IL20RB: variants seen among roughly 807,000 people sequenced by gnomAD.
IL20RB encodes the protein interleukin 20 receptor subunit beta.
A neutral mutation model predicts 33.3 loss-of-function variants in IL20RB; 21 were observed. The observed-to-expected ratio is 0.63, with a 90% CI of 0.45 to 0.91. The LOEUF (loss-of-function observed/expected upper bound fraction) is 0.91, where lower values mean the gene tolerates loss of function less well. Ranked by LOEUF, IL20RB falls within the 40% of genes least tolerant of loss-of-function variation. IL20RB has a pLI of 0.00. For missense variants in IL20RB, 345 were observed against 384.8 expected, an observed-to-expected ratio of 0.90 and a Z score of 0.86; for synonymous variants, 147 against 146.8, an observed-to-expected ratio of 1.00 and a Z score of -0.01.
chr3:136,991,878 G>A (rs981386937), intron 4 of IL20RB, 60 bp from the exon 5 acceptor site: 33 of 1,572,130 alleles, frequency 2.1e-5, no homozygotes, highest in Admixed American at 1.7e-4. Context: ...CCAAAGTGCT[G>A]GGATTATAGG....
intron 3 of IL20RB, among the ~76,000 whole-genome samples, chr3:136,989,081 G>T (rs1941973744): frequency 6.6e-6 from 1 of 152,282 alleles, no homozygotes; most frequent in Admixed American, 6.5e-5. Flanking sequence ...GAGGGGCATG[G>T]ATCATAAAAT....
chr3:136,987,104 C>T (rs1941919777), intron 3 of IL20RB, among the ~76,000 whole-genome samples: 1 of 152,118 alleles, frequency 6.6e-6, no homozygotes, highest in African/African-American at 2.4e-5. Flanking sequence ...AACAAAGCTT[C>T]CACAGTGTGG....
At chr3:136,979,613 A>G (rs1042949385) in intron 1 of IL20RB, among the ~76,000 whole-genome samples, 1 of 151,412 alleles carries the variant, frequency 6.6e-6, no homozygotes, top group Non-Finnish European at 1.5e-5. Flanking sequence ...CATTCTCTAC[A>G]AATCATAGTC....
chr3:136,987,722 A>T (rs1317416359), intron 3 of IL20RB, among the ~76,000 whole-genome samples: 1 of 152,170 alleles, frequency 6.6e-6, no homozygotes, highest in Non-Finnish European at 1.5e-5. Flanking sequence ...GCAGGTCCCG[A>T]GCCACGCCCC....
At chr3:136,992,164 G>C in intron 5 of IL20RB, 76 bp downstream of exon 5, 1 of 1,478,192 alleles carries the variant, frequency 6.8e-7, no homozygotes, top group Non-Finnish European at 9.1e-7. Flanking sequence ...GGCCTGCTGG[G>C]TTCCTTTGGT....
At position 136,991,915 on chromosome 3, in the gene IL20RB, CTG is replaced by C. The variant is rs1428990457; in HGVS notation, c.532-19_532-18del. 5.0e-6 allele frequency: 8 copies of C among 1,610,634 alleles called. No homozygotes were observed. In the African/African-American group the frequency reaches 6.7e-5, roughly 13 times the overall value. On this transcript the variant is annotated intron_variant, in intron 4 of 6. Transcript: ENST00000329582. ...GTGAGCCACCGCACTTGGCCAATAA[CTG>C]TGTTTTCTGGTCTGTCAAAGGAACA...
At chr3:136,995,175 GGAAAA>G (rs1942101578) in intron 5 of IL20RB, among the ~76,000 whole-genome samples, 1 of 152,176 alleles carries the variant, frequency 6.6e-6, no homozygotes, top group Admixed American at 6.5e-5. Context: ...TGTGTCACAA[GGAAAA>G]GATTTTAATC....
At chr3:136,984,840 G>A (rs988996730) in intron 3 of IL20RB, among the ~76,000 whole-genome samples, 3 of 152,088 alleles carry the variant, frequency 2.0e-5, no homozygotes, top group Non-Finnish European at 2.9e-5. Flanking sequence ...GGAGTTGGTC[G>A]AAGTGGCAGG....
chr3:136,992,384 T>G (rs1942051121), intron 5 of IL20RB, among the ~76,000 whole-genome samples: 1 of 152,260 alleles, frequency 6.6e-6, no homozygotes, highest in Non-Finnish European at 1.5e-5. Context: ...AGATGGTTAC[T>G]GCCTGTGAAT....
intron 6 of IL20RB, among the ~76,000 whole-genome samples, chr3:136,997,328 A>T (rs1942150214): frequency 6.6e-6 from 1 of 152,172 alleles, no homozygotes; most frequent in Non-Finnish European, 1.5e-5. Flanking sequence ...TCCTGACCTC[A>T]TGATCCACCC....
At chr3:137,000,773 G>T (rs1020570088) in intron 6 of IL20RB, among the ~76,000 whole-genome samples, 6 of 152,196 alleles carry the variant, frequency 3.9e-5, no homozygotes, top group South Asian at 2.1e-4. Context: ...GCCTTCCTCA[G>T]CTGGGCTCCA....
chr3:137,003,444 G>A (rs140878616), intron 6 of IL20RB, among the ~76,000 whole-genome samples: 20 of 151,990 alleles, frequency 1.3e-4, no homozygotes, highest in Middle Eastern at 3.4e-3. Flanking sequence ...CTTTTATTTC[G>A]TTGAGCAGTG....
intron 1 of IL20RB, among the ~76,000 whole-genome samples, chr3:136,974,956 G>T (rs190834253): frequency 2.0e-4 from 30 of 151,828 alleles, no homozygotes; most frequent in African/African-American, 6.8e-4. Flanking sequence ...AATTTCTATT[G>T]GTTCTTTTAA....
At chr3:137,002,201 T>C (rs1415394761) in intron 6 of IL20RB, among the ~76,000 whole-genome samples, 2 of 152,170 alleles carry the variant, frequency 1.3e-5, no homozygotes, top group East Asian at 3.8e-4. Context: ...TGGTTCCAAG[T>C]CTTTGCTATT....
At chr3:136,958,409 C>G (rs957552845) in intron 1 of IL20RB, among the ~76,000 whole-genome samples, 1 of 152,196 alleles carries the variant, frequency 6.6e-6, no homozygotes, top group Non-Finnish European at 1.5e-5. Flanking sequence ...TTCTTAATGT[C>G]CACACAACAA....
At chr3:136,985,266 T>C (rs1261032751) in intron 3 of IL20RB, among the ~76,000 whole-genome samples, 2 of 151,796 alleles carry the variant, frequency 1.3e-5, no homozygotes, top group African/African-American at 4.8e-5. Flanking sequence ...CACTCAGACT[T>C]CTCCCCAGGA....
chr3:136,990,889 G>A (rs1449446320), intron 4 of IL20RB, among the ~76,000 whole-genome samples: 2 of 152,248 alleles, frequency 1.3e-5, no homozygotes, highest in East Asian at 3.8e-4. Flanking sequence ...GGCAGATGGA[G>A]TAGTGTTGGG....
At chr3:136,987,871 G>C (rs1941946933) in intron 3 of IL20RB, among the ~76,000 whole-genome samples, 1 of 152,190 alleles carries the variant, frequency 6.6e-6, no homozygotes, top group Non-Finnish European at 1.5e-5. Flanking sequence ...GGGCCGGCCG[G>C]CTGCTCCGAG....
At chr3:136,976,586 C>T (rs2108191497) in intron 1 of IL20RB, among the ~76,000 whole-genome samples, 1 of 152,290 alleles carries the variant, frequency 6.6e-6, no homozygotes, top group East Asian at 1.9e-4. Flanking sequence ...AGTCTCAGCC[C>T]CGGCAGCACT....
Sources: allele counts gnomAD v4.1 joint callset (sites outside exome capture counted in the v4.1 genomes callset), GRCh38; gene constraint gnomAD v4.1.1; transcripts MANE v1.5; gene names NCBI Gene and HGNC (gene_info 2026-07-23, HGNC 2026-07-21).